Variants in FNDC3B observed in about 807,000 individuals in gnomAD.
FNDC3B encodes the protein fibronectin type III domain-containing protein 3B.
In FNDC3B, 12 loss-of-function variants were observed where a neutral mutation model predicts 151.5. The ratio of observed to expected loss-of-function variants is 0.08; its 90% confidence interval spans 0.05 to 0.13. FNDC3B has a LOEUF of 0.13. FNDC3B is among the 10% of genes least tolerant of loss of function. The pLI is 1.00. For synonymous variants in FNDC3B, 528 were observed against 549.0 expected, an observed-to-expected ratio of 0.96 and a Z score of 0.54; for missense variants, 1,214 against 1,505.3, an observed-to-expected ratio of 0.81 and a Z score of 3.20.
chr3:172,226,642 GATACTT>G (rs1198951784), intron 3 of FNDC3B, among the ~76,000 whole-genome samples: 1 of 152,158 alleles, frequency 6.6e-6, no homozygotes. Context: ...TATTTATAAA[GATACTT>G]ATAGTTTTGG....
chr3:172,395,684 C>T (rs1336546018), intron 25 of FNDC3B, among the ~76,000 whole-genome samples: 1 of 152,172 alleles, frequency 6.6e-6, no homozygotes, highest in African/African-American at 2.4e-5. Context: ...ACACATATAT[C>T]TGGCTAAGGA....
chr3:172,063,253 G>A (rs1380812971), intron 1 of FNDC3B, among the ~76,000 whole-genome samples: 2 of 151,658 alleles, frequency 1.3e-5, no homozygotes, highest in African/African-American at 4.8e-5. Context: ...CCCACCCACC[G>A]CCACCAAAAA....
At chr3:172,269,435 A>ATT (rs377668715) in intron 6 of FNDC3B, among the ~76,000 whole-genome samples, 3 of 53,136 alleles carry the variant, frequency 5.6e-5, no homozygotes, top group Admixed American at 1.7e-4. Flanking sequence ...ATTAAAAAAA[A>ATT]TTTTTTTTTT....
At chr3:172,127,624 CAT>C (rs1179210642) in intron 2 of FNDC3B, among the ~76,000 whole-genome samples, 1 of 152,180 alleles carries the variant, frequency 6.6e-6, no homozygotes, top group Non-Finnish European at 1.5e-5. Context: ...CTTACAGACA[CAT>C]GTGATATTGA....
At chr3:172,132,944 A>G (rs1721177028) in intron 2 of FNDC3B, among the ~76,000 whole-genome samples, 1 of 152,144 alleles carries the variant, frequency 6.6e-6, no homozygotes, top group Admixed American at 6.5e-5. Flanking sequence ...TATTTATAAT[A>G]TTTATTTAAT....
intron 23 of FNDC3B, among the ~76,000 whole-genome samples, chr3:172,374,266 G>A (rs1039894504): frequency 2.6e-5 from 4 of 152,146 alleles, no homozygotes; most frequent in South Asian, 2.1e-4. Context: ...AGTGATGTCC[G>A]TGGTCTCTCA....
rs1370313563 is a variant in FNDC3B at position 172,344,153 on chromosome 3, C to T, written c.2145C>T (p.Asp715=). Residue 715 remains aspartate, a synonymous_variant, in exon 19 of 26, where the codon GAC becomes GAT. Transcript: ENST00000415807. ...EYSVEMTEPE[D]VASEVYHGPE... ...GCGTGGAGATGACGGAGCCCGAAGA[C>T]GTAGCCTCGGAAGTGTACCATGGCC... 28 of 1,614,132 alleles carry T rather than the reference C, an allele frequency of 1.7e-5. No individual in the cohort carries two copies. The highest frequency in any genetic ancestry group is 2.1e-5 in the Non-Finnish European group (25 of 1,180,000).
At position 172,323,995 on chromosome 3, in the gene FNDC3B, G is replaced by A. The variant is rs187213036; in HGVS notation, c.1255-4957G>A. 4.7e-4 allele frequency among the ~76,000 whole-genome samples: 71 copies of A among 152,196 alleles called. 1 individual carries two copies. The highest frequency in any genetic ancestry group is 8.8e-4 in the Non-Finnish European group (60 of 68,004). On this transcript the variant is annotated intron_variant, in intron 11 of 25. Transcript: ENST00000415807. ...AGTATGTGAATCTTGAAATGAAAGA[G>A]GCACTTACCCAGGTTCAGATAAATG... is the stretch of plus-strand genomic sequence containing the variant.
chr3:172,103,611 G>T (rs1289852235), intron 1 of FNDC3B, among the ~76,000 whole-genome samples: 2 of 152,164 alleles, frequency 1.3e-5, no homozygotes, highest in Admixed American at 1.3e-4. Flanking sequence ...ACAGTGGATG[G>T]TTCCTTTGGG....
chr3:172,286,010 A>C (rs775864296), intron 7 of FNDC3B, 26 bp downstream of exon 7: 1 of 1,562,686 alleles, frequency 6.4e-7, no homozygotes, highest in South Asian at 1.2e-5. Context: ...TTCTCAGCAT[A>C]AATGACACTT....
intron 25 of FNDC3B, among the ~76,000 whole-genome samples, chr3:172,382,520 T>C (rs1349275383): frequency 6.6e-6 from 1 of 152,244 alleles, no homozygotes; most frequent in Admixed American, 6.5e-5. Flanking sequence ...GCTTTTGGTG[T>C]TTTAGTCATG....
intron 4 of FNDC3B, among the ~76,000 whole-genome samples, chr3:172,240,908 C>T (rs554341149): frequency 2.0e-4 from 30 of 152,214 alleles, no homozygotes; most frequent in Non-Finnish European, 3.8e-4. Flanking sequence ...AGATTCTCTC[C>T]GTTGCACATT....
At chr3:172,048,637 TTAAAAGCCAG>T (rs1269607942) in intron 1 of FNDC3B, among the ~76,000 whole-genome samples, 1 of 152,200 alleles carries the variant, frequency 6.6e-6, no homozygotes, top group Non-Finnish European at 1.5e-5. Context: ...ACTCAGGTAC[TTAAAAGCCAG>T]TGTTTATAGC....
At chr3:172,128,789 G>A (rs1161698302) in intron 2 of FNDC3B, among the ~76,000 whole-genome samples, 1 of 152,198 alleles carries the variant, frequency 6.6e-6, no homozygotes, top group Admixed American at 6.5e-5. Flanking sequence ...CAAGGGAGAA[G>A]TATTCATTTA....
At chr3:172,204,093 A>G (rs1725306204) in intron 3 of FNDC3B, among the ~76,000 whole-genome samples, 1 of 152,224 alleles carries the variant, frequency 6.6e-6, no homozygotes, top group Admixed American at 6.5e-5. Context: ...GTGTTTGCCA[A>G]CTGTGAACAT....
At chr3:172,354,499 AAAAAAT>A (rs1182553505) in intron 22 of FNDC3B, among the ~76,000 whole-genome samples, 4 of 146,818 alleles carry the variant, frequency 2.7e-5, no homozygotes, top group Non-Finnish European at 5.9e-5. Context: ...AAACAATAAA[AAAAAAT>A]AATAATAATA....
intron 3 of FNDC3B, among the ~76,000 whole-genome samples, chr3:172,178,199 C>CA (rs1365017245): frequency 1.4e-4 from 21 of 152,070 alleles, no homozygotes; most frequent in Non-Finnish European, 2.8e-4. Flanking sequence ...TTGCCTAGTG[C>CA]TGATGGCCAC....
chr3:172,221,416 G>A (rs946038573), intron 3 of FNDC3B, among the ~76,000 whole-genome samples: 1 of 151,880 alleles, frequency 6.6e-6, no homozygotes, highest in African/African-American at 2.4e-5. Context: ...GCTTATCAAA[G>A]CATGGTCCCT....
intron 1 of FNDC3B, among the ~76,000 whole-genome samples, chr3:172,093,519 A>G (rs1718949477): frequency 6.6e-6 from 1 of 152,038 alleles, no homozygotes; most frequent in Non-Finnish European, 1.5e-5. Context: ...TGGCCTCCCA[A>G]AATGCTGGGA....
Sources: gnomAD v4.1 joint callset for allele counts (sites outside exome capture counted in the v4.1 genomes callset) on GRCh38, gnomAD v4.1.1 for gene constraint, MANE v1.5 for transcripts, NCBI Gene and HGNC (gene_info 2026-07-23, HGNC 2026-07-21) for gene names.